Variants in GRID2 observed in about 807,000 individuals in gnomAD.
GRID2 encodes the protein glutamate ionotropic receptor delta type subunit 2, also known as glutamate receptor ionotropic, delta-2.
Under a neutral mutation model 114.8 loss-of-function variants are expected in GRID2, and 33 were observed. That is an observed-to-expected ratio of 0.29 (90% CI 0.22 to 0.38). GRID2 has a LOEUF of 0.38. GRID2 is among the 10% of genes least tolerant of loss of function. The pLI, the probability that GRID2 is intolerant of heterozygous loss-of-function variation, is 1.00. For synonymous variants in GRID2, 505 were observed against 449.9 expected (o/e 1.12, Z -1.55); for missense variants, 1,184 against 1,257.7 (o/e 0.94, Z 0.89).
chr4:92,950,577 C>G (rs1158536910), intron 2 of GRID2, among the ~76,000 whole-genome samples: 3 of 152,042 alleles, frequency 2.0e-5, no homozygotes, highest in Admixed American at 2.0e-4. Context: ...TACTTCAGTC[C>G]CAGAAGAAAC....
intron 2 of GRID2, among the ~76,000 whole-genome samples, chr4:92,648,935 T>C (rs1731777499): frequency 7.0e-6 from 1 of 142,402 alleles, no homozygotes; most frequent in Non-Finnish European, 1.5e-5. Flanking sequence ...CATTATTTCT[T>C]TAGAGACAAT....
chr4:93,264,724 A>ATATATATC (rs2149555511), intron 8 of GRID2, among the ~76,000 whole-genome samples: 1 of 121,536 alleles, frequency 8.2e-6, no homozygotes, highest in East Asian at 2.7e-4. Flanking sequence ...ATATATATAT[A>ATATATATC]TCATTTGAAT....
chr4:92,755,814 A>G (rs1284355286), intron 2 of GRID2, among the ~76,000 whole-genome samples: 2 of 152,186 alleles, frequency 1.3e-5, no homozygotes, highest in Admixed American at 6.5e-5. Flanking sequence ...CAGTGAAATG[A>G]CATTGTTATA....
intron 2 of GRID2, among the ~76,000 whole-genome samples, chr4:92,957,156 T>G (rs1013690485): frequency 6.6e-6 from 1 of 152,162 alleles, no homozygotes; most frequent in African/African-American, 2.4e-5. Flanking sequence ...TTAATTTTAA[T>G]TAAGTCCAAG....
chr4:92,384,463 TA>T (rs1480972752), intron 1 of GRID2, among the ~76,000 whole-genome samples: 1 of 51,732 alleles, frequency 1.9e-5, no homozygotes, highest in Non-Finnish European at 3.4e-5. Context: ...TATATATATA[TA>T]TATATATATA....
chr4:92,427,687 T>C (rs1162824159), intron 1 of GRID2, among the ~76,000 whole-genome samples: 8 of 152,116 alleles, frequency 5.3e-5, no homozygotes. Flanking sequence ...TGTTAACAAA[T>C]AGAGCGAATA....
intron 8 of GRID2, among the ~76,000 whole-genome samples, chr4:93,359,852 C>A (rs1234621804): frequency 2.6e-5 from 2 of 76,260 alleles, no homozygotes; most frequent in Admixed American, 4.2e-4. Context: ...TACAAAAGGG[C>A]ATAGATAAGG....
At position 92,798,257 on chromosome 4, in the gene GRID2, C is replaced by A. The variant is rs528181879; in HGVS notation, c.244+207971C>A. On this transcript the variant is annotated intron_variant, in intron 2 of 15. Coordinates refer to ENST00000282020, the MANE Select transcript of GRID2 (RefSeq NM_001510.4). ...TAAGACCTTGCCTAATATCTAATAA[C>A]TGTATTTTAATTTTATGCAGCATTC... is the stretch of plus-strand genomic sequence containing the variant. 9.2e-5 allele frequency among the ~76,000 whole-genome samples: 14 copies of A among 151,996 alleles called. No individual in the cohort carries two copies. The East Asian group carries it at 1.9e-3, about 21-fold the overall frequency.
chr4:93,771,380 A>C (rs542867739), intron 15 of GRID2, among the ~76,000 whole-genome samples: 1 of 152,316 alleles, frequency 6.6e-6, no homozygotes, highest in African/African-American at 2.4e-5. Flanking sequence ...GCCCTAAACT[A>C]AAGCTATCAC....
intron 8 of GRID2, among the ~76,000 whole-genome samples, chr4:93,290,917 G>A (rs1306504209): frequency 8.4e-6 from 1 of 118,600 alleles, no homozygotes; most frequent in Non-Finnish European, 1.6e-5. Context: ...TTGCTCTGTC[G>A]CCCAAGCTGG....
chr4:93,238,881 A>G (rs1747128843), intron 8 of GRID2, among the ~76,000 whole-genome samples: 2 of 151,514 alleles, frequency 1.3e-5, no homozygotes, highest in Non-Finnish European at 3.0e-5. Context: ...ATAGTAAGAC[A>G]GAAAGTCTAC....
At chr4:93,080,830 A>G (rs1308561843) in intron 2 of GRID2, among the ~76,000 whole-genome samples, 1 of 152,164 alleles carries the variant, frequency 6.6e-6, no homozygotes, top group Non-Finnish European at 1.5e-5. Flanking sequence ...TTATTTTCTC[A>G]CAGTTTAAGA....
At chr4:92,838,067 G>A (rs1000560502) in intron 2 of GRID2, among the ~76,000 whole-genome samples, 6 of 151,916 alleles carry the variant, frequency 3.9e-5, no homozygotes, top group African/African-American at 1.2e-4. Flanking sequence ...TTACATTATC[G>A]AAAACAAATG....
At chr4:92,537,797 G>GTA (rs1725727305) in intron 1 of GRID2, among the ~76,000 whole-genome samples, 1 of 142,490 alleles carries the variant, frequency 7.0e-6, no homozygotes, top group Non-Finnish European at 1.5e-5. Flanking sequence ...GTGTGTGTGT[G>GTA]TGTGTGTGTG....
At chr4:93,762,401 A>G (rs1403443586) in intron 14 of GRID2, among the ~76,000 whole-genome samples, 1 of 152,136 alleles carries the variant, frequency 6.6e-6, no homozygotes, top group Non-Finnish European at 1.5e-5. Flanking sequence ...TCTACCCCCA[A>G]ATTGCCTCAA....
intron 12 of GRID2, among the ~76,000 whole-genome samples, chr4:93,495,521 G>C (rs947360379): frequency 6.6e-6 from 1 of 151,702 alleles, no homozygotes; most frequent in African/African-American, 2.4e-5. Flanking sequence ...CTAAATCATC[G>C]AGGGCATGGT....
intron 3 of GRID2, among the ~76,000 whole-genome samples, chr4:93,104,877 C>T (rs1172922765): frequency 4.6e-5 from 7 of 151,942 alleles, no homozygotes; most frequent in East Asian, 3.9e-4. Context: ...CCTGAGGAAT[C>T]GCCACACTGA....
At chr4:92,558,819 G>T (rs1427237053) in intron 1 of GRID2, among the ~76,000 whole-genome samples, 1 of 141,756 alleles carries the variant, frequency 7.1e-6, no homozygotes, top group East Asian at 1.9e-4. Flanking sequence ...TAAGATAAAT[G>T]GAAATAATGA....
chr4:93,550,951 A>G (rs1291676043), intron 13 of GRID2, among the ~76,000 whole-genome samples: 1 of 152,328 alleles, frequency 6.6e-6, no homozygotes, highest in East Asian at 1.9e-4. Flanking sequence ...TTAAGGATTC[A>G]GTCTTCAGAG....
Sources: gnomAD v4.1 joint callset for allele counts (sites outside exome capture counted in the v4.1 genomes callset) on GRCh38, gnomAD v4.1.1 for gene constraint, MANE v1.5 for transcripts, NCBI Gene and HGNC (gene_info 2026-07-23, HGNC 2026-07-21) for gene names.